The following CFAP54 variants were observed in gnomAD, a reference collection of about 807,000 sequenced individuals.
The protein encoded by CFAP54 is cilia and flagella associated protein 54.
CFAP54 carries 290 observed loss-of-function variants against 370.4 expected under a neutral mutation model. The ratio of observed to expected loss-of-function variants is 0.78; its 90% CI spans 0.71 to 0.86. The LOEUF (loss-of-function observed/expected upper bound fraction) is 0.86, where lower values mean the gene tolerates loss of function less well. CFAP54 is among the 40% of genes least tolerant of loss of function. The pLI is 0.00. For missense variants in CFAP54, 3,399 were observed against 3,528.7 expected, an observed-to-expected ratio of 0.96 and a Z score of 0.93; for synonymous variants, 1,206 against 1,236.5, an observed-to-expected ratio of 0.98 and a Z score of 0.52.
chr12:96,847,617 A>G (rs1470069533), intron 66 of CFAP54, among the ~76,000 whole-genome samples: 1 of 152,204 alleles, frequency 6.6e-6, no homozygotes, highest in African/African-American at 2.4e-5. Context: ...TGATTTTTAA[A>G]CATATATTTC....
intron 66 of CFAP54, among the ~76,000 whole-genome samples, chr12:96,860,146 T>C (rs1047664533): frequency 6.6e-6 from 1 of 150,802 alleles, no homozygotes; most frequent in African/African-American, 2.4e-5. Flanking sequence ...TTTTTTTTTT[T>C]TTTTTTTTTT....
intron 47 of CFAP54, among the ~76,000 whole-genome samples, chr12:96,705,326 A>G (rs1295657292): frequency 6.6e-6 from 1 of 152,100 alleles, no homozygotes. Context: ...ATAGGACTAT[A>G]TCTAACTTTT....
At chr12:96,707,342 T>C (rs1198384341) in intron 47 of CFAP54, among the ~76,000 whole-genome samples, 3 of 152,152 alleles carry the variant, frequency 2.0e-5, no homozygotes, top group Non-Finnish European at 2.9e-5. Flanking sequence ...AATTGGCATA[T>C]AAAATAATGG....
intron 60 of CFAP54, among the ~76,000 whole-genome samples, chr12:96,777,349 C>CTTT (rs200690074): frequency 0.01 from 1,487 of 143,512 alleles, 8 homozygotes; most frequent in Middle Eastern, 0.029. Flanking sequence ...CAAGGATATT[C>CTTT]TTTTTTTTTT....
rs765479346 is a variant in CFAP54, at chr12:96,693,788, C to A, written c.6331C>A (p.Leu2111Ile). 1.9e-6 allele frequency: 3 copies of A among 1,590,084 alleles called. No homozygotes were observed. The South Asian group carries it at 3.3e-5, about 18-fold the overall frequency. Residue 2111 changes from leucine to isoleucine, a missense_variant, in exon 45 of 68, where the codon CTA (leucine) becomes ATA (isoleucine). Leu to Ile is a conservative substitution (Grantham distance 5, BLOSUM62 2). Coordinates refer to ENST00000524981, the MANE Select transcript of CFAP54 (RefSeq NM_001306084.2). ...SGICQDITRN[L>I]EARILKIEVL... ...AATTTGTCAAGACATAACAAGAAAT[C>A]TAGAAGCAAGAATCCTCAAGGTATG...
At position 96,518,995 on chromosome 12, in the gene CFAP54, ACTTGACATGGC is replaced by A; in HGVS notation, c.867_877del (p.Tyr289Ter). 1 of 1,535,950 alleles carries A rather than the reference ACTTGACATGGC, an allele frequency of 6.5e-7. No homozygotes were observed. Among genetic ancestry groups the A allele is most frequent in the African/African-American group, 1.4e-5 (1 of 73,108 alleles). On this transcript the variant is annotated stop_gained and frameshift_variant, in exon 6 of 68. Coordinates refer to ENST00000524981, the MANE Select transcript of CFAP54 (RefSeq NM_001306084.2). LOFTEE classifies it high-confidence loss of function. ...TTGGTCCCGCTCCTGTCACTCAGGT[ACTTGACATGGC>A]GCGCTACTCTCTACACAGCTGTTTG...
Position 96,527,362 on chromosome 12 carries a change from A to T in CFAP54, c.1275A>T (p.Gln425His), listed in dbSNP as rs1199031478. The T allele has an allele frequency of 2.0e-6, 3 of 1,535,710 alleles. No homozygotes were observed. Among genetic ancestry groups the T allele is most frequent in the Non-Finnish European group, 2.6e-6 (3 of 1,146,712 alleles). ...ALSDSNRRIL[Q>H]TGPIVTDEVE... The stretch of plus-strand genomic sequence containing the variant: ...CTGATTCAAATAGGCGAATACTGCA[A>T]ACTGGACCCATTGTTACAGATGAAG... Residue 425 changes from glutamine to histidine, a missense_variant, in exon 9 of 68, where the codon CAA becomes CAT. Physicochemically the swap from Gln to His is conservative, Grantham distance 24. This residue lies in a region of CFAP54 where 559 missense variants were observed against 576.7 expected (regional missense o/e 0.97). Transcript: ENST00000524981.
rs1326104134 is a variant in CFAP54 at position 96,826,465 on chromosome 12, A to G, written c.9097-2549A>G. Among the ~76,000 whole-genome samples the G allele has an allele frequency of 6.6e-5, 8 of 120,674 alleles. No homozygotes were observed. The Admixed American group carries it at 8.9e-4, about 13-fold the overall frequency. The allele number at this position is 120,674 out of a possible 152,430, so 79.2% of individuals were successfully genotyped here. A position where few individuals can be genotyped will look rare whatever the true frequency, so the allele number is the denominator to read the frequency against. On this transcript the variant is annotated intron_variant, in intron 65 of 67. Coordinates refer to ENST00000524981, the MANE Select transcript of CFAP54 (RefSeq NM_001306084.2). ...ATATACCATATATGTTATTTACTAT[A>G]TATTATATAATATATGTAAATAATA...
intron 67 of CFAP54, among the ~76,000 whole-genome samples, chr12:96,871,638 G>A (rs1960170590): frequency 6.6e-6 from 1 of 152,054 alleles, no homozygotes; most frequent in Non-Finnish European, 1.5e-5. Context: ...TAATATACAT[G>A]TAAAATAATC....
At chr12:96,822,430 C>G (rs1363622544) in intron 65 of CFAP54, among the ~76,000 whole-genome samples, 1 of 152,166 alleles carries the variant, frequency 6.6e-6, no homozygotes. Context: ...TATTAAAGTA[C>G]TGTGAGAACA....
intron 43 of CFAP54, among the ~76,000 whole-genome samples, chr12:96,689,578 G>A (rs1565943383): frequency 6.6e-6 from 1 of 152,156 alleles, no homozygotes; most frequent in East Asian, 1.9e-4. Flanking sequence ...TAATCAGTAT[G>A]AAGCCAGTCT....
chr12:96,771,251 CTA>C, intron 60 of CFAP54, among the ~76,000 whole-genome samples: 1 of 152,276 alleles, frequency 6.6e-6, no homozygotes, highest in Admixed American at 6.5e-5. Flanking sequence ...AACCAGCTAA[CTA>C]TATAAATGGG....
intron 55 of CFAP54, 119 bp from the exon 56 acceptor site, chr12:96,753,623 TA>T: frequency 1.0e-6 from 1 of 979,946 alleles, no homozygotes; most frequent in Non-Finnish European, 1.5e-6. Flanking sequence ...CTAAAAACTG[TA>T]AAAACTACCA....
intron 33 of CFAP54, chr12:96,645,150 C>G (rs1263652052): frequency 2.2e-6 from 1 of 456,492 alleles, no homozygotes; most frequent in Non-Finnish European, 4.4e-6. Context: ...CTATCATTAA[C>G]TCAACAGACA....
At chr12:96,641,074 A>T (rs1001937869) in intron 32 of CFAP54, among the ~76,000 whole-genome samples, 1 of 152,202 alleles carries the variant, frequency 6.6e-6, no homozygotes, top group Non-Finnish European at 1.5e-5. Context: ...AAATTGACAA[A>T]TGGGATCTAA....
At chr12:96,688,827 G>A in intron 42 of CFAP54, 89 bp from the exon 43 acceptor site, 1 of 610,348 alleles carries the variant, frequency 1.6e-6, no homozygotes, top group Non-Finnish European at 2.8e-6. Context: ...TATACTTTTT[G>A]TGTTCTAGAT....
chr12:96,713,513 A>G (rs1362794711), intron 48 of CFAP54, among the ~76,000 whole-genome samples: 1 of 152,122 alleles, frequency 6.6e-6, no homozygotes, highest in Non-Finnish European at 1.5e-5. Context: ...ATAACTGAAA[A>G]CTATTTATTA....
chr12:96,641,426 CAA>C (rs918330747), intron 32 of CFAP54, among the ~76,000 whole-genome samples: 41 of 152,176 alleles, frequency 2.7e-4, no homozygotes, highest in Admixed American at 6.5e-4. Context: ...AGTCAGGAAA[CAA>C]GAGGTGCTGG....
chr12:96,684,778 A>G, intron 41 of CFAP54, 43 bp downstream of exon 41: 1 of 1,481,062 alleles, frequency 6.8e-7, no homozygotes, highest in South Asian at 1.2e-5. Flanking sequence ...AAGGTTTTTT[A>G]TTTGCTTGTT....
Sources: gnomAD v4.1 joint callset for allele counts (sites outside exome capture counted in the v4.1 genomes callset) on GRCh38, gnomAD v4.1.1 for gene constraint, gnomAD v4.1.1 regional missense constraint, MANE v1.5 for transcripts, NCBI Gene and HGNC (gene_info 2026-07-23, HGNC 2026-07-21) for gene names.